The following RCOR1 variants were observed in gnomAD, a reference collection of about 807,000 sequenced individuals.
RCOR1 encodes the protein REST corepressor 1, also known as REST corepressor.
RCOR1 carries 12 observed loss-of-function variants against 64.0 expected under a neutral mutation model. The ratio of observed to expected loss-of-function variants is 0.19; its 90% CI spans 0.12 to 0.30. RCOR1 has a LOEUF of 0.30. Ranked by LOEUF, RCOR1 falls within the 10% of genes least tolerant of loss-of-function variation. RCOR1 has a pLI of 1.00. For synonymous variants in RCOR1, 279 were observed against 227.2 expected (o/e 1.23, Z -2.05); for missense variants, 502 against 621.2 (o/e 0.81, Z 2.04).
intron 2 of RCOR1, among the ~76,000 whole-genome samples, chr14:102,649,977 A>C (rs536876227): frequency 6.6e-6 from 1 of 152,078 alleles, no homozygotes; most frequent in African/African-American, 2.4e-5. Context: ...AGATGGGCGG[A>C]TCACGAGGTC....
intron 2 of RCOR1, among the ~76,000 whole-genome samples, chr14:102,627,071 T>C (rs1180471905): frequency 6.6e-6 from 1 of 152,128 alleles, no homozygotes; most frequent in Non-Finnish European, 1.5e-5. Context: ...ATCCTCTAAT[T>C]CTCCCTGCCT....
chr14:102,711,124 C>A, intron 7 of RCOR1, 111 bp downstream of exon 7: 1 of 686,068 alleles, frequency 1.5e-6, no homozygotes. Context: ...ATGTGGAAAG[C>A]AGCATGATAT....
At chr14:102,681,022 A>G (rs1202563745) in intron 2 of RCOR1, among the ~76,000 whole-genome samples, 1 of 152,236 alleles carries the variant, frequency 6.6e-6, no homozygotes, top group Non-Finnish European at 1.5e-5. Flanking sequence ...TATGAAACCT[A>G]GAACACATTG....
At chr14:102,720,754 A>C (rs1490749603) in intron 8 of RCOR1, among the ~76,000 whole-genome samples, 2 of 152,150 alleles carry the variant, frequency 1.3e-5, no homozygotes, top group African/African-American at 4.8e-5. Context: ...GAAGCTGTGG[A>C]TCCAGGACTG....
Position 102,636,337 on chromosome 14 carries a change from G to A in RCOR1, c.361+43012G>A, listed in dbSNP as rs369614337. On this transcript the variant is annotated intron_variant, in intron 2 of 11. Transcript: ENST00000262241. ...TTGTCGCCCAGGCTGGAGTGCAGTG[G>A]CGTGATCTTGGCGCACTGCAACCTC... Among the ~76,000 whole-genome samples the A allele has an allele frequency of 2.6e-4, 40 of 152,006 alleles. No homozygotes were observed. The East Asian group carries it at 2.9e-3, about 11-fold the overall frequency.
At chr14:102,617,117 A>G (rs1893776707) in intron 2 of RCOR1, among the ~76,000 whole-genome samples, 1 of 152,234 alleles carries the variant, frequency 6.6e-6, no homozygotes, top group South Asian at 2.1e-4. Flanking sequence ...GATAGCAGAA[A>G]TGTAAAGTGT....
chr14:102,697,721 G>T (rs1166224822), intron 3 of RCOR1, among the ~76,000 whole-genome samples: 3 of 151,056 alleles, frequency 2.0e-5, no homozygotes, highest in African/African-American at 4.9e-5. Context: ...GATCTTCCAA[G>T]AATTTTTTTT....
intron 2 of RCOR1, chr14:102,643,207 G>A (rs1389810062): frequency 2.6e-5 from 6 of 233,408 alleles, no homozygotes; most frequent in Non-Finnish European, 3.5e-5. Flanking sequence ...GCGTGAACCC[G>A]GGAGGCGGAG....
At chr14:102,609,311 G>T (rs1369356259) in intron 2 of RCOR1, among the ~76,000 whole-genome samples, 1 of 152,028 alleles carries the variant, frequency 6.6e-6, no homozygotes, top group Admixed American at 6.6e-5. Flanking sequence ...TCAAAGTGCT[G>T]GGATTACAGA....
chr14:102,660,779 T>G (rs1035046695), intron 2 of RCOR1, among the ~76,000 whole-genome samples: 1 of 152,230 alleles, frequency 6.6e-6, no homozygotes, highest in Non-Finnish European at 1.5e-5. Flanking sequence ...AAAGTGTGAT[T>G]ATTACTATAC....
At chr14:102,604,679 T>C (rs1893468660) in intron 2 of RCOR1, among the ~76,000 whole-genome samples, 1 of 152,152 alleles carries the variant, frequency 6.6e-6, no homozygotes, top group South Asian at 2.1e-4. Context: ...AGGAAAAGGA[T>C]CAACAAGATA....
At chr14:102,625,963 G>C (rs960979527) in intron 2 of RCOR1, among the ~76,000 whole-genome samples, 12 of 152,118 alleles carry the variant, frequency 7.9e-5, no homozygotes, top group African/African-American at 2.2e-4. Context: ...CTGGGATCCT[G>C]TTCTCTGCCC....
At position 102,704,574 on chromosome 14, in the gene RCOR1, G is replaced by C. The variant is rs1184594168; in HGVS notation, c.499-2777G>C. On this transcript the variant is annotated intron_variant, in intron 4 of 11. Coordinates refer to ENST00000262241, the MANE Select transcript of RCOR1 (RefSeq NM_015156.4). The stretch of plus-strand genomic sequence containing the variant: ...AGCCTCCTGAGTAGCTGGGATTACA[G>C]GTGCCTGCCACCATGCCCGGCTAAT... Among the ~76,000 whole-genome samples the C allele has an allele frequency of 2.0e-5, 3 of 152,176 alleles. No individual in the cohort carries two copies. In the East Asian group the frequency reaches 5.8e-4, roughly 29 times the overall value.
intron 2 of RCOR1, among the ~76,000 whole-genome samples, chr14:102,650,067 G>C (rs140931893): frequency 6.6e-6 from 1 of 151,858 alleles, no homozygotes; most frequent in East Asian, 1.9e-4. Flanking sequence ...GTGAGGTGGC[G>C]GGCACCTGTA....
At chr14:102,725,331 A>G (rs76022746) in intron 11 of RCOR1, among the ~76,000 whole-genome samples, 3,069 of 152,366 alleles carry the variant, frequency 0.02, 50 homozygotes, top group Middle Eastern at 0.031. Context: ...TGAGCATGGC[A>G]GAGAGCAGTA....
intron 11 of RCOR1, among the ~76,000 whole-genome samples, chr14:102,725,308 C>T (rs995778532): frequency 2.6e-5 from 4 of 152,206 alleles, no homozygotes; most frequent in African/African-American, 9.7e-5. Context: ...GTTTCTCCAG[C>T]AATGAGATGC....
Position 102,677,276 on chromosome 14 carries a change from G to A in RCOR1, c.362-4619G>A, listed in dbSNP as rs1178853894. ...CAGAGGGGCTCCTCACTTCCCAGTC[G>A]GGGCGGCCGGGCAAAGGAGCCCCTC... is the stretch of plus-strand genomic sequence containing the variant. On this transcript the variant is annotated intron_variant, in intron 2 of 11. Coordinates refer to ENST00000262241, the MANE Select transcript of RCOR1 (RefSeq NM_015156.4). 2.7e-5 allele frequency among the ~76,000 whole-genome samples: 3 copies of A among 111,768 alleles called. 1 individual carries two copies. The highest frequency in any genetic ancestry group is 1.2e-4 in the African/African-American group (3 of 24,402). 73.3% of individuals were successfully genotyped at this position (111,768 alleles called of 152,430 possible). A position where few individuals can be genotyped will look rare whatever the true frequency, so the allele number is the denominator to read the frequency against.
At position 102,730,245 on chromosome 14, in the gene RCOR1, G is replaced by A. The variant is rs1452575458; in HGVS notation, c.*3739G>A. 5 of 380,304 alleles carry A rather than the reference G, an allele frequency of 1.3e-5. No homozygotes were observed. The highest frequency in any genetic ancestry group is 3.8e-5 in the East Asian group (1 of 26,564). The allele number at this position is 380,304 out of a possible 1,614,324, so 23.6% of individuals were successfully genotyped here. A position where few individuals can be genotyped will look rare whatever the true frequency, so the allele number is the denominator to read the frequency against. On this transcript the variant is annotated 3_prime_UTR_variant, in exon 12 of 12. Transcript: ENST00000262241. The stretch of plus-strand genomic sequence containing the variant: ...AAAAATTTTCAAGATTTTAAAAGAT[G>A]TATAAGGTTAAGTTTGCAAATATAA...
chr14:102,679,486 T>G (rs1201618850), intron 2 of RCOR1, among the ~76,000 whole-genome samples: 4 of 149,074 alleles, frequency 2.7e-5, no homozygotes, highest in African/African-American at 9.8e-5. Context: ...TTTTTTTTCT[T>G]TTTTTTTTTT....
Sources: gnomAD v4.1 joint callset for allele counts (sites outside exome capture counted in the v4.1 genomes callset) on GRCh38, gnomAD v4.1.1 for gene constraint, MANE v1.5 for transcripts, NCBI Gene and HGNC (gene_info 2026-07-23, HGNC 2026-07-21) for gene names.